ILDR2: variants seen among roughly 807,000 people sequenced by gnomAD.
The protein encoded by ILDR2 is immunoglobulin like domain containing receptor 2.
ILDR2 carries 25 observed loss-of-function variants against 66.8 expected under a neutral mutation model. The observed-to-expected ratio is 0.37, with a 90% confidence interval of 0.27 to 0.52. The LOEUF is 0.52. Among genes scored for constraint, ILDR2 ranks in the 20% least tolerant of loss-of-function variants. The probability of loss-of-function intolerance (pLI) is 0.88; values close to 1 mark genes in which losing one functional copy is unlikely to be tolerated. For synonymous variants in ILDR2, 367 were observed against 357.2 expected (o/e 1.03, Z -0.31); for missense variants, 827 against 876.8 (o/e 0.94, Z 0.72).
chr1:166,919,309 G>T lies in ILDR2; in HGVS notation c.*46C>A. On this transcript the variant is annotated 3_prime_UTR_variant, in exon 10 of 10. Transcript: ENST00000271417. ...GTTCTTAGATTTGTGTCTTGTCCCCGTAGTCCATGTCTGATTTCTCATTAT... is the reference window on the plus strand; with the variant it reads ...GTTCTTAGATTTGTGTCTTGTCCCCTTAGTCCATGTCTGATTTCTCATTAT... 6.4e-7 allele frequency: 1 copy of T among 1,560,590 alleles called. No homozygotes were observed. The highest frequency in any genetic ancestry group is 8.8e-7 in the Non-Finnish European group (1 of 1,134,202).
intron 1 of ILDR2, among the ~76,000 whole-genome samples, chr1:166,964,891 A>AT (rs1662838193): frequency 6.6e-6 from 1 of 152,100 alleles, no homozygotes; most frequent in African/African-American, 2.4e-5. Context: ...TAGCACTTTC[A>AT]TTTTTTTCAA....
chr1:166,952,080 A>G (rs1419230054), intron 3 of ILDR2, among the ~76,000 whole-genome samples: 1 of 152,252 alleles, frequency 6.6e-6, no homozygotes, highest in Non-Finnish European at 1.5e-5. Flanking sequence ...ACATCGAAAG[A>G]CATAAGAACA....
At chr1:166,947,805 T>TC (rs2101945089) in intron 3 of ILDR2, among the ~76,000 whole-genome samples, 1 of 152,130 alleles carries the variant, frequency 6.6e-6, no homozygotes, top group South Asian at 2.1e-4. Context: ...AGGCCGAGTT[T>TC]CCTCCCACAG....
At chr1:166,904,107 C>T (rs540238206), downstream of ILDR2, among the ~76,000 whole-genome samples, 2 of 152,204 alleles carry the variant, frequency 1.3e-5, no homozygotes, top group Admixed American at 1.3e-4. Flanking sequence ...AAGCTCAGTG[C>T]CAAACCATTG....
At position 166,911,901 on chromosome 1, in the gene ILDR2, GAAA is replaced by G. The variant is rs199537376; in HGVS notation, c.*7451_*7453del. ...GATTAAACAATATGGGGCATAGAAT[GAAA>G]AAAAATCTAACAATTGGAATTCTCA... On this transcript the variant is annotated 3_prime_UTR_variant, in exon 10 of 10. Coordinates refer to ENST00000271417, the MANE Select transcript of ILDR2 (RefSeq NM_199351.3). 6.6e-6 allele frequency: 1 copy of G among 151,634 alleles called. No individual in the cohort carries two copies. The highest frequency in any genetic ancestry group is 1.5e-5 in the Non-Finnish European group (1 of 67,864). 9.4% of individuals were successfully genotyped at this position (151,634 alleles called of 1,614,324 possible).
intron 1 of ILDR2, 84 bp downstream of exon 1, chr1:166,975,139 A>G: frequency 8.2e-7 from 1 of 1,220,662 alleles, no homozygotes; most frequent in Non-Finnish European, 1.2e-6. Context: ...TAAGGAGGAA[A>G]ATGGGGGGGC....
At position 166,921,685 on chromosome 1, in the gene ILDR2, C is replaced by T. The variant is rs1192686921; in HGVS notation, c.1212-306G>A. On this transcript the variant is annotated intron_variant, in intron 8 of 9. Coordinates refer to ENST00000271417, the MANE Select transcript of ILDR2 (RefSeq NM_199351.3). The surrounding 1 kb of genome is among the most constrained non-coding windows in gnomAD (Gnocchi z 5.3). ...TGCCTTCTGGTCATTATGTTGTGAC[C>T]TCGGGTTGACAGCCACACGTCTCCA... is the stretch of plus-strand genomic sequence containing the variant. 6.6e-6 allele frequency among the ~76,000 whole-genome samples: 1 copy of T among 152,156 alleles called. No individual in the cohort carries two copies. Among genetic ancestry groups the T allele is most frequent in the African/African-American group, 2.4e-5 (1 of 41,424 alleles).
At position 166,909,820 on chromosome 1, in the gene ILDR2, C is replaced by T. The variant is rs1333322410; in HGVS notation, c.*9535G>A. 1 of 126,864 alleles carries T rather than the reference C, an allele frequency of 7.9e-6. No individual in the cohort carries two copies. The highest frequency in any genetic ancestry group is 1.6e-5 in the Non-Finnish European group (1 of 62,258). The allele number at this position is 126,864 out of a possible 1,614,324, so 7.9% of individuals were successfully genotyped here. ...ATATATATATATCCTTCTAGCTTTG[C>T]TCTACTGGACATTAACGTCTCAGAG... On this transcript the variant is annotated 3_prime_UTR_variant, in exon 10 of 10. Coordinates refer to ENST00000271417, the MANE Select transcript of ILDR2 (RefSeq NM_199351.3).
At chr1:166,949,990 G>A (rs1355196353) in intron 3 of ILDR2, among the ~76,000 whole-genome samples, 2 of 152,208 alleles carry the variant, frequency 1.3e-5, no homozygotes, top group Non-Finnish European at 2.9e-5. Flanking sequence ...GGTGTCTGCT[G>A]ATGATAGAAA....
chr1:166,904,021 T>A (rs1483256386), downstream of ILDR2, among the ~76,000 whole-genome samples: 6 of 152,254 alleles, frequency 3.9e-5, no homozygotes, highest in African/African-American at 1.2e-4. Context: ...ATTTGTGTAT[T>A]GGCTGTCTCC....
chr1:166,950,974 A>C (rs1487988265), intron 3 of ILDR2, among the ~76,000 whole-genome samples: 1 of 152,208 alleles, frequency 6.6e-6, no homozygotes, highest in Admixed American at 6.5e-5. Flanking sequence ...TTAGCATTGC[A>C]TTTGGACCAT....
chr1:166,921,090 G>T lies in ILDR2; in HGVS notation c.1501C>A (p.Arg501Ser). The T allele has an allele frequency of 6.7e-7, 1 of 1,493,138 alleles. No individual in the cohort carries two copies. The highest frequency in any genetic ancestry group is 1.5e-5 in the African/African-American group (1 of 68,910). The allele number at this position is 1,493,138 out of a possible 1,614,324, so 92.5% of individuals were successfully genotyped here. The change falls in exon 9 of 10, where the codon CGC becomes AGC. Residue 501 changes from arginine to serine, a missense_variant. This residue lies in a region of ILDR2 where 390 missense variants were observed against 353.6 expected (regional missense o/e 1.10). Coordinates refer to ENST00000271417, the MANE Select transcript of ILDR2 (RefSeq NM_199351.3). This position sits in a 1 kb window ranked among gnomAD's most constrained non-coding sequence, Gnocchi z 5.3. ...TGCGCGTCCTCGGCGGGTCTGCGGC[G>T]CGCGGGGCTGAAGGCCCAGCCGCGG... ...ADRGWAFSPA[R>S]RRPAEDAHLP... is the part of the protein sequence containing the mutation.
At chr1:166,929,365 T>C (rs1660496555) in intron 6 of ILDR2, among the ~76,000 whole-genome samples, 1 of 152,212 alleles carries the variant, frequency 6.6e-6, no homozygotes, top group Admixed American at 6.5e-5. Context: ...TTACAAATCA[T>C]TCAGTTTGAA....
chr1:166,973,654 G>A (rs941201507), intron 1 of ILDR2, among the ~76,000 whole-genome samples: 3 of 131,712 alleles, frequency 2.3e-5, no homozygotes, highest in African/African-American at 8.5e-5. Context: ...GTGCTGTTGT[G>A]ATACAGGCTC....
At chr1:166,900,752 T>C (rs1659251387) in intron 2 of ILDR2, among the ~76,000 whole-genome samples, 1 of 152,190 alleles carries the variant, frequency 6.6e-6, no homozygotes, top group Non-Finnish European at 1.5e-5. Context: ...AGGACTTATA[T>C]TAATTACCTG....
At chr1:166,951,971 T>C (rs1662009139) in intron 3 of ILDR2, among the ~76,000 whole-genome samples, 1 of 152,192 alleles carries the variant, frequency 6.6e-6, no homozygotes, top group African/African-American at 2.4e-5. Flanking sequence ...CCAGTCACAT[T>C]TCCTCCCAGG....
At chr1:166,943,000 A>G (rs1661396867) in intron 3 of ILDR2, among the ~76,000 whole-genome samples, 1 of 152,240 alleles carries the variant, frequency 6.6e-6, no homozygotes, top group Non-Finnish European at 1.5e-5. Context: ...TTCTCCCTGA[A>G]GCAACAGTCA....
In ILDR2 at chr1:166,921,374, G is replaced by T; in HGVS notation, c.1217C>A (p.Pro406Gln). ...CGACAGCATCTCCGACTTGGAGCGC[G>T]GCTGGCTGCGGGCAGAGAAGGAGGG... ...EDRESFRHSQ[P>Q]RSKSEMLSRK... Residue 406 changes from proline (P) to glutamine (Q), a missense_variant, in exon 9 of 10, where the codon CCG becomes CAG. By Grantham distance (76) the Pro-to-Gln change is moderately conservative (BLOSUM62 -1). Coordinates refer to ENST00000271417, the MANE Select transcript of ILDR2 (RefSeq NM_199351.3). The surrounding 1 kb of genome is among the most constrained non-coding windows in gnomAD (Gnocchi z 5.3). The T allele has an allele frequency of 6.4e-7, 1 of 1,562,412 alleles. No individual in the cohort carries two copies.
At chr1:166,899,668 G>A (rs535323055) in intron 2 of ILDR2, among the ~76,000 whole-genome samples, 1 of 152,262 alleles carries the variant, frequency 6.6e-6, no homozygotes, top group African/African-American at 2.4e-5. Flanking sequence ...CATGTTTTAT[G>A]GCTCAGTTGA....
Sources: gnomAD v4.1 joint callset for allele counts (sites outside exome capture counted in the v4.1 genomes callset) on GRCh38, gnomAD v4.1.1 for gene constraint, gnomAD v4.1.1 regional missense constraint, Gnocchi (gnomAD v3.1) non-coding constraint, MANE v1.5 for transcripts, NCBI Gene and HGNC (gene_info 2026-07-23, HGNC 2026-07-21) for gene names.